NRXN3: variants seen among roughly 807,000 people sequenced by gnomAD.
The protein encoded by NRXN3 is neurexin III.
Under a neutral mutation model 137.6 loss-of-function variants are expected in NRXN3, and 32 were observed. That is an observed-to-expected ratio of 0.23 (90% CI 0.18 to 0.31). The LOEUF is 0.31. NRXN3 is among the 10% of genes least tolerant of loss of function. The pLI, the probability that NRXN3 is intolerant of heterozygous loss-of-function variation, is 1.00. For missense variants in NRXN3, 1,574 were observed against 2,062.5 expected (o/e 0.76, Z 4.59); for synonymous variants, 798 against 784.5 (o/e 1.02, Z -0.29).
At chr14:79,852,280 C>CACACACCT (rs1603619753) in intron 20 of NRXN3, among the ~76,000 whole-genome samples, 1 of 146,534 alleles carries the variant, frequency 6.8e-6, no homozygotes, top group African/African-American at 2.5e-5. Context: ...CACACACACA[C>CACACACCT]CTCTCACATG....
At chr14:78,996,832 C>G (rs1230808703) in intron 15 of NRXN3, among the ~76,000 whole-genome samples, 1 of 152,048 alleles carries the variant, frequency 6.6e-6, no homozygotes, top group Non-Finnish European at 1.5e-5. Context: ...TTCTCTGCAT[C>G]TGTTTTTATT....
At chr14:78,916,806 C>T (rs2099256574) in intron 10 of NRXN3, among the ~76,000 whole-genome samples, 1 of 152,140 alleles carries the variant, frequency 6.6e-6, no homozygotes, top group Non-Finnish European at 1.5e-5. Flanking sequence ...CAGGGTGGAC[C>T]TCCCAAATCA....
chr14:78,673,826 A>G (rs1348536155), intron 6 of NRXN3, among the ~76,000 whole-genome samples: 1 of 152,176 alleles, frequency 6.6e-6, no homozygotes, highest in East Asian at 1.9e-4. Context: ...GGGCTTCCGT[A>G]TATGAATTTG....
intron 8 of NRXN3, among the ~76,000 whole-genome samples, chr14:78,801,572 A>G (rs34657007): frequency 0.082 from 12,506 of 152,150 alleles, 707 homozygotes; most frequent in South Asian, 0.17. Flanking sequence ...CCATGATCCA[A>G]TTATCTCCCA....
At chr14:79,808,810 T>C (rs757341702) in intron 20 of NRXN3, among the ~76,000 whole-genome samples, 3 of 152,220 alleles carry the variant, frequency 2.0e-5, no homozygotes, top group Non-Finnish European at 4.4e-5. Context: ...TTATTTTTTC[T>C]TCAAATCACA....
At chr14:79,572,168 C>T (rs1260733856) in intron 16 of NRXN3, among the ~76,000 whole-genome samples, 1 of 151,976 alleles carries the variant, frequency 6.6e-6, no homozygotes, top group African/African-American at 2.4e-5. Context: ...TTTCATTACC[C>T]ACACTACACA....
intron 19 of NRXN3, among the ~76,000 whole-genome samples, chr14:79,797,486 C>T (rs568414294): frequency 6.6e-6 from 1 of 151,570 alleles, no homozygotes; most frequent in Admixed American, 6.6e-5. Flanking sequence ...GAATTCTGTC[C>T]CTTCACCTCC....
chr14:79,143,374 G>C (rs573195948), intron 15 of NRXN3, among the ~76,000 whole-genome samples: 1 of 152,174 alleles, frequency 6.6e-6, no homozygotes, highest in Non-Finnish European at 1.5e-5. Flanking sequence ...GCTGACAAGA[G>C]AGAAAAAGAA....
At chr14:78,538,551 A>G (rs2096558183) in intron 4 of NRXN3, among the ~76,000 whole-genome samples, 1 of 152,226 alleles carries the variant, frequency 6.6e-6, no homozygotes, top group South Asian at 2.1e-4. Flanking sequence ...CAATCATGTC[A>G]TCTGCAAATG....
chr14:78,962,809 G>T (rs1597953836), intron 11 of NRXN3, among the ~76,000 whole-genome samples: 1 of 152,046 alleles, frequency 6.6e-6, no homozygotes, highest in Non-Finnish European at 1.5e-5. Context: ...TGCCTCCTGG[G>T]TTCAAGCAGT....
intron 4 of NRXN3, among the ~76,000 whole-genome samples, chr14:78,607,665 A>G (rs981007032): frequency 2.6e-5 from 4 of 152,180 alleles, no homozygotes; most frequent in Non-Finnish European, 5.9e-5. Context: ...TATTCCTACC[A>G]AATTTATTAT....
chr14:79,553,371 G>C (rs760432508), intron 16 of NRXN3, among the ~76,000 whole-genome samples: 1 of 152,094 alleles, frequency 6.6e-6, no homozygotes, highest in African/African-American at 2.4e-5. Context: ...GGTTCAGGAA[G>C]GTTGAATAAT....
chr14:79,049,931 G>A (rs1390305854), intron 15 of NRXN3, among the ~76,000 whole-genome samples: 1 of 152,052 alleles, frequency 6.6e-6, no homozygotes, highest in East Asian at 1.9e-4. Flanking sequence ...TCTCTCTGCA[G>A]GAGTCTCACT....
intron 15 of NRXN3, among the ~76,000 whole-genome samples, chr14:79,389,961 T>C (rs1220167544): frequency 2.6e-5 from 4 of 152,182 alleles, no homozygotes; most frequent in African/African-American, 9.7e-5. Context: ...CAGGGTATAA[T>C]CAGTCCATAA....
At chr14:79,612,347 C>T (rs1002179404) in intron 16 of NRXN3, among the ~76,000 whole-genome samples, 2 of 152,134 alleles carry the variant, frequency 1.3e-5, no homozygotes, top group East Asian at 3.9e-4. Context: ...GTGTCTCTGG[C>T]TAACACATTT....
intron 4 of NRXN3, among the ~76,000 whole-genome samples, chr14:78,564,355 C>T (rs796848808): frequency 8.5e-5 from 13 of 152,328 alleles, no homozygotes; most frequent in African/African-American, 3.1e-4. Flanking sequence ...TCACTGGAGG[C>T]TCACAAATGC....
At chr14:79,301,326 G>T (rs145313854) in intron 15 of NRXN3, among the ~76,000 whole-genome samples, 13 of 152,136 alleles carry the variant, frequency 8.5e-5, no homozygotes, top group African/African-American at 9.6e-5. Context: ...TGGACTTTAA[G>T]ATGGAAAGGA....
intron 2 of NRXN3, among the ~76,000 whole-genome samples, chr14:78,255,372 A>G (rs1485812894): frequency 6.6e-6 from 1 of 152,152 alleles, no homozygotes; most frequent in East Asian, 1.9e-4. Flanking sequence ...ACCTCACACC[A>G]TCATGTGGTC....
intron 16 of NRXN3, among the ~76,000 whole-genome samples, chr14:79,520,466 C>A (rs1184415741): frequency 6.6e-6 from 1 of 152,088 alleles, no homozygotes; most frequent in Admixed American, 6.5e-5. Flanking sequence ...CTCTGACAGT[C>A]CCCAGTGTAT....
Sources: gnomAD v4.1 joint callset for allele counts (sites outside exome capture counted in the v4.1 genomes callset) on GRCh38, gnomAD v4.1.1 for gene constraint, MANE v1.5 for transcripts, NCBI Gene and HGNC (gene_info 2026-07-23, HGNC 2026-07-21) for gene names.